The following GPM6A variants were observed in gnomAD, a reference collection of about 807,000 sequenced individuals.
GPM6A encodes neuronal membrane glycoprotein M6-a.
In GPM6A, 7 loss-of-function variants were observed where a neutral mutation model predicts 32.1. That is an observed-to-expected ratio of 0.22 (90% CI 0.12 to 0.41). The LOEUF (loss-of-function observed/expected upper bound fraction) is 0.41. Among genes scored for constraint, GPM6A ranks in the 10% least tolerant of loss-of-function variants. The pLI is 1.00. For synonymous variants in GPM6A, 130 were observed against 123.4 expected, an observed-to-expected ratio of 1.05 and a Z score of -0.35; for missense variants, 235 against 347.2, an observed-to-expected ratio of 0.68 and a Z score of 2.57.
In GPM6A at chr4:175,932,443, G is replaced by A. The variant is rs546708048; in HGVS notation, c.-23+69866C>T. Among the ~76,000 whole-genome samples, 113 of 152,292 alleles carry A rather than the reference G, an allele frequency of 7.4e-4. 2 individuals carry two copies. Among genetic ancestry groups the A allele is most frequent in the African/African-American group, 2.5e-3 (105 of 41,562 alleles). ...CTCACCAGACACCAAACCTGTGAGC[G>A]CCTTGATCTCGGACTTTCCATCCTC... On this transcript the variant is annotated intron_variant, in intron 1 of 7. Coordinates refer to the GPM6A transcript ENST00000280187.
At chr4:175,752,291 T>A (rs13353643) in intron 1 of GPM6A, among the ~76,000 whole-genome samples, 8,877 of 152,200 alleles carry the variant, frequency 0.058, 873 homozygotes, top group African/African-American at 0.2. Flanking sequence ...AGCTCTTTAG[T>A]GTCCTTTTGG....
intron 1 of GPM6A, among the ~76,000 whole-genome samples, chr4:175,712,542 G>A (rs73004337): frequency 6.6e-6 from 1 of 152,184 alleles, no homozygotes. Context: ...GTAACAATTC[G>A]AAGTTAGCTT....
At chr4:175,952,915 G>C (rs189828255) in intron 1 of GPM6A, among the ~76,000 whole-genome samples, 1 of 151,642 alleles carries the variant, frequency 6.6e-6, no homozygotes, top group Non-Finnish European at 1.5e-5. Context: ...GCATGGTGGC[G>C]CATGACTGTG....
intron 6 of GPM6A, among the ~76,000 whole-genome samples, chr4:175,639,184 CA>C (rs1740991077): frequency 6.6e-6 from 1 of 152,042 alleles, no homozygotes; most frequent in Non-Finnish European, 1.5e-5. Context: ...AAATTAAATA[CA>C]AAATATTTAT....
chr4:175,756,003 T>C (rs1307638290), intron 1 of GPM6A, among the ~76,000 whole-genome samples: 1 of 152,086 alleles, frequency 6.6e-6, no homozygotes, highest in Non-Finnish European at 1.5e-5. Flanking sequence ...AATTAGTTGC[T>C]GTTCAGTAGG....
chr4:175,645,468 C>A (rs1741403890), intron 4 of GPM6A, among the ~76,000 whole-genome samples: 1 of 152,060 alleles, frequency 6.6e-6, no homozygotes, highest in South Asian at 2.1e-4. Context: ...CGCCTGTAAT[C>A]CCAGCACTTC....
chr4:175,799,687 A>G (rs1734388913), intron 1 of GPM6A, among the ~76,000 whole-genome samples: 1 of 45,646 alleles, frequency 2.2e-5, no homozygotes, highest in South Asian at 7.2e-4. Flanking sequence ...TTTTTTTTTG[A>G]GACGGAGTCT....
At chr4:175,852,996 C>T (rs1412116791) in intron 1 of GPM6A, among the ~76,000 whole-genome samples, 1 of 152,050 alleles carries the variant, frequency 6.6e-6, no homozygotes, top group African/African-American at 2.4e-5. Context: ...ATGGGTCATC[C>T]AGTTATTGCC....
chr4:175,637,144 ATATAT>A (rs1409277174), intron 6 of GPM6A, among the ~76,000 whole-genome samples: 6 of 95,328 alleles, frequency 6.3e-5, no homozygotes, highest in South Asian at 3.3e-4. Flanking sequence ...ATTATATATG[ATATAT>A]TATATGTCAC....
chr4:175,796,314 A>G (rs1734225877), intron 1 of GPM6A, among the ~76,000 whole-genome samples: 2 of 152,198 alleles, frequency 1.3e-5, no homozygotes, highest in South Asian at 4.1e-4. Context: ...GCGATATAAC[A>G]TGATCAATGA....
intron 1 of GPM6A, among the ~76,000 whole-genome samples, chr4:175,884,683 C>G (rs1317143600): frequency 1.3e-5 from 2 of 151,894 alleles, no homozygotes; most frequent in Non-Finnish European, 2.9e-5. Context: ...CAGTGCCCAC[C>G]AAGAGCCCGG....
At chr4:175,998,925 C>T (rs1157774469) in intron 1 of GPM6A, among the ~76,000 whole-genome samples, 3 of 14,670 alleles carry the variant, frequency 2.0e-4, no homozygotes, top group Non-Finnish European at 7.1e-4. Flanking sequence ...CTTTTAAAAG[C>T]TCTCCAAAAT....
chr4:175,913,165 C>G (rs897183520), intron 1 of GPM6A, among the ~76,000 whole-genome samples: 1 of 152,122 alleles, frequency 6.6e-6, no homozygotes, highest in African/African-American at 2.4e-5. Context: ...GGTGTCATTT[C>G]AAGTTGACCA....
chr4:175,939,580 C>CT (rs1739342469), intron 1 of GPM6A, among the ~76,000 whole-genome samples: 1 of 152,274 alleles, frequency 6.6e-6, no homozygotes, highest in Admixed American at 6.5e-5. Flanking sequence ...AAATAGTTCA[C>CT]TAATTTTATA....
chr4:175,930,439 TTTG>T (rs141725457), intron 1 of GPM6A, among the ~76,000 whole-genome samples: 7,847 of 113,256 alleles, frequency 0.069, 339 homozygotes, highest in South Asian at 0.23. Context: ...GGGGGGTTTT[TTTG>T]TTGTTGTTTT....
At chr4:175,662,816 C>A (rs1742507274) in intron 3 of GPM6A, among the ~76,000 whole-genome samples, 1 of 151,434 alleles carries the variant, frequency 6.6e-6, no homozygotes, top group African/African-American at 2.4e-5. Flanking sequence ...ATAGGGCACC[C>A]AAAATAGCAG....
intron 1 of GPM6A, among the ~76,000 whole-genome samples, chr4:175,980,561 G>T (rs1740790455): frequency 6.6e-6 from 1 of 152,132 alleles, no homozygotes; most frequent in Admixed American, 6.5e-5. Flanking sequence ...ATTTGTGAAT[G>T]TTCTTCCTAA....
chr4:175,924,829 A>C (rs546650587), intron 1 of GPM6A, among the ~76,000 whole-genome samples: 1 of 149,212 alleles, frequency 6.7e-6, no homozygotes, highest in African/African-American at 2.5e-5. Context: ...AACAGAGTGA[A>C]AATCTGTCTC....
chr4:175,940,923 C>A (rs555513253), intron 1 of GPM6A, among the ~76,000 whole-genome samples: 1 of 152,148 alleles, frequency 6.6e-6, no homozygotes, highest in Non-Finnish European at 1.5e-5. Context: ...TCTTTAACTA[C>A]GTTGGCACAG....
Sources: allele counts gnomAD v4.1 joint callset (sites outside exome capture counted in the v4.1 genomes callset), GRCh38; gene constraint gnomAD v4.1.1; transcripts MANE v1.5; gene names NCBI Gene and HGNC (gene_info 2026-07-23, HGNC 2026-07-21).